Variants in PCDH11X observed in about 807,000 individuals in gnomAD.
PCDH11X encodes protocadherin-11 X-linked.
In PCDH11X, 18 loss-of-function variants were observed where a neutral mutation model predicts 53.3. The ratio of observed to expected loss-of-function variants is 0.34; its 90% CI spans 0.23 to 0.50. PCDH11X has a LOEUF of 0.50. Ranked by LOEUF, PCDH11X falls within the 20% of genes least tolerant of loss-of-function variation. The pLI is 0.98. For missense variants in PCDH11X, 570 were observed against 1,032.4 expected (o/e 0.55, Z 6.14); for synonymous variants, 279 against 393.3 (o/e 0.71, Z 3.44).
chrX:92,217,164 C>T (rs1199626874), intron 7 of PCDH11X, among the ~76,000 whole-genome samples: 2 of 110,656 alleles, frequency 1.8e-5, no homozygotes, highest in Non-Finnish European at 3.8e-5. Context: ...AAATAACCAG[C>T]TAACATCAAA....
At chrX:92,568,986 C>T (rs1330076516) in intron 10 of PCDH11X, among the ~76,000 whole-genome samples, 2 of 111,709 alleles carry the variant, frequency 1.8e-5, no homozygotes, top group African/African-American at 3.2e-5. Flanking sequence ...GATAATGGAA[C>T]CTTTCCCTCA....
intron 8 of PCDH11X, among the ~76,000 whole-genome samples, chrX:92,348,858 C>A (rs1432580567): frequency 2.3e-4 from 24 of 103,106 alleles, no homozygotes; most frequent in Non-Finnish European, 4.6e-4. Flanking sequence ...TTATAAGGAA[C>A]AAATAATGTA....
intron 7 of PCDH11X, among the ~76,000 whole-genome samples, chrX:92,208,447 T>G: frequency 1.1e-5 from 1 of 88,019 alleles, no homozygotes. Flanking sequence ...ATTTTCTTAT[T>G]ACTATATTAC....
chrX:92,211,013 TA>T (rs983436374), intron 7 of PCDH11X, among the ~76,000 whole-genome samples: 3 of 111,981 alleles, frequency 2.7e-5, no homozygotes, highest in Non-Finnish European at 5.6e-5. Flanking sequence ...CTCTGCCAGT[TA>T]CTCAGTTCCA....
chrX:92,025,121 A>T lies in PCDH11X; in HGVS notation c.3033+145848A>T, dbSNP rs773967664. On this transcript the variant is annotated intron_variant, in intron 6 of 10. Coordinates refer to ENST00000682573, the MANE Select transcript of PCDH11X (RefSeq NM_032968.5). Reference sequence around the variant, plus strand: ...AATTGCAACAAAAGCCAAAATTGACAAATGGGATCTAATTAAGCTAAAGAG... The same window carrying T: ...AATTGCAACAAAAGCCAAAATTGACTAATGGGATCTAATTAAGCTAAAGAG... 3.6e-5 allele frequency among the ~76,000 whole-genome samples: 4 copies of T among 111,708 alleles called. No homozygotes were observed. In the South Asian group the frequency reaches 1.5e-3, roughly 42 times the overall value.
chrX:92,191,120 A>G (rs2066184940), intron 6 of PCDH11X, among the ~76,000 whole-genome samples: 1 of 111,776 alleles, frequency 8.9e-6, no homozygotes, highest in African/African-American at 3.2e-5. Context: ...TTAAGCTAAC[A>G]TGGATTCTAT....
In PCDH11X at chrX:92,217,608, G is replaced by T. The variant is rs5942174; in HGVS notation, c.3114+16153G>T. On this transcript the variant is annotated intron_variant, in intron 7 of 10. Transcript: ENST00000682573. ...GACTCCCACACAATAATAATGGGAG[G>T]CTTTAACACCCCACTGTCAACATTA... Among the ~76,000 whole-genome samples the T allele has an allele frequency of 1.5e-3, 143 of 95,211 alleles. 1 individual carries two copies. Among genetic ancestry groups the T allele is most frequent in the African/African-American group, 4.1e-3 (107 of 25,974 alleles). The allele number at this position is 95,211 out of a possible 115,157, so 82.7% of individuals were successfully genotyped here.
intron 7 of PCDH11X, among the ~76,000 whole-genome samples, chrX:92,260,339 T>C (rs415658): frequency 0.36 from 40,120 of 109,974 alleles, 6,366 homozygotes; most frequent in Non-Finnish European, 0.51. Flanking sequence ...GGGCGTCGGC[T>C]GAGTTTTTTC....
At chrX:91,884,272 A>C (rs1188574283) in intron 6 of PCDH11X, among the ~76,000 whole-genome samples, 1 of 110,739 alleles carries the variant, frequency 9.0e-6, no homozygotes, top group Non-Finnish European at 1.9e-5. Flanking sequence ...TTTCAAAGAA[A>C]GAGGTCCTTT....
rs533099678 is a variant in PCDH11X, at chrX:92,339,524, C to T, written c.3145-48211C>T. 3.2e-4 allele frequency among the ~76,000 whole-genome samples: 36 copies of T among 111,391 alleles called. No homozygotes were observed. In the South Asian group the frequency reaches 0.014, roughly 43 times the overall value. On this transcript the variant is annotated intron_variant, in intron 8 of 10. Transcript: ENST00000682573. ...AGGAAGCATGATACTGGCATCTGCTCACCTTCTGGGGAGTCCTCAGGAACT... is the reference window on the plus strand; with the variant it reads ...AGGAAGCATGATACTGGCATCTGCTTACCTTCTGGGGAGTCCTCAGGAACT...
chrX:92,499,882 A>G (rs1004685628), intron 10 of PCDH11X, among the ~76,000 whole-genome samples: 1 of 107,641 alleles, frequency 9.3e-6, no homozygotes, highest in African/African-American at 3.4e-5. Context: ...GAAAGAAAGA[A>G]AGAGAGAGAC....
intron 7 of PCDH11X, among the ~76,000 whole-genome samples, chrX:92,258,367 CTTTT>C (rs199563708): frequency 2.2e-5 from 2 of 89,758 alleles, no homozygotes; most frequent in Admixed American, 1.2e-4. Flanking sequence ...ATGCAAATTT[CTTTT>C]TTTTTTTTTT....
chrX:92,478,054 G>A (rs2073426522), intron 10 of PCDH11X, among the ~76,000 whole-genome samples: 1 of 109,869 alleles, frequency 9.1e-6, no homozygotes, highest in East Asian at 2.9e-4. Flanking sequence ...GATAATGAAT[G>A]AGTTCTCACG....
intron 7 of PCDH11X, among the ~76,000 whole-genome samples, chrX:92,205,695 T>A (rs929869477): frequency 6.5e-5 from 7 of 106,895 alleles, no homozygotes; most frequent in Admixed American, 6.1e-4. Flanking sequence ...CTGCCTCCCA[T>A]GTTCAAGCGA....
intron 6 of PCDH11X, among the ~76,000 whole-genome samples, chrX:92,112,881 T>C (rs1176383675): frequency 9.1e-6 from 1 of 109,449 alleles, no homozygotes; most frequent in African/African-American, 3.5e-5. Flanking sequence ...ATATTTTCTA[T>C]TTTGGGTGCA....
At chrX:91,997,575 A>G (rs1238538807) in intron 6 of PCDH11X, among the ~76,000 whole-genome samples, 1 of 111,584 alleles carries the variant, frequency 9.0e-6, no homozygotes, top group East Asian at 2.8e-4. Flanking sequence ...ATCCCACTTG[A>G]TCATGGTGTA....
chrX:92,275,826 G>C (rs1422536179), intron 8 of PCDH11X, among the ~76,000 whole-genome samples: 2 of 110,841 alleles, frequency 1.8e-5, no homozygotes, highest in African/African-American at 3.3e-5. Context: ...TGTTGAGCGG[G>C]GTAAGGGTGA....
chrX:92,019,598 T>C (rs1319650115), intron 6 of PCDH11X, among the ~76,000 whole-genome samples: 1 of 111,960 alleles, frequency 8.9e-6, no homozygotes, highest in Non-Finnish European at 1.9e-5. Flanking sequence ...AATAACCTGC[T>C]CCTGAATAAC....
chrX:92,582,385 C>A (rs1322410282), intron 10 of PCDH11X, among the ~76,000 whole-genome samples: 1 of 110,860 alleles, frequency 9.0e-6, no homozygotes, highest in Non-Finnish European at 1.9e-5. Flanking sequence ...TAAAAGGGAC[C>A]AAGATACAGC....
Sources: allele counts gnomAD v4.1 joint callset (sites outside exome capture counted in the v4.1 genomes callset), GRCh38; gene constraint gnomAD v4.1.1; transcripts MANE v1.5; gene names NCBI Gene and HGNC (gene_info 2026-07-23, HGNC 2026-07-21).